RECK: variants seen among roughly 807,000 people sequenced by gnomAD.
RECK encodes the protein reversion-inducing cysteine-rich protein with Kazal motifs.
A neutral mutation model predicts 115.1 loss-of-function variants in RECK; 69 were observed. The observed-to-expected ratio is 0.60, with a 90% CI of 0.49 to 0.73. The LOEUF (loss-of-function observed/expected upper bound fraction) is 0.73, where lower values mean the gene tolerates loss of function less well. Among genes scored for constraint, RECK ranks in the 30% least tolerant of loss-of-function variants. RECK has a pLI of 0.00. For synonymous variants in RECK, 414 were observed against 419.7 expected, an observed-to-expected ratio of 0.99 and a Z score of 0.17; for missense variants, 1,047 against 1,203.7, an observed-to-expected ratio of 0.87 and a Z score of 1.93.
At chr9:36,043,769 G>A (rs1375121673) in intron 1 of RECK, among the ~76,000 whole-genome samples, 1 of 152,090 alleles carries the variant, frequency 6.6e-6, no homozygotes, top group Non-Finnish European at 1.5e-5. Context: ...CATTTGTTGA[G>A]TAGGATGCCC....
intron 1 of RECK, 87 bp from the exon 2 acceptor site, chr9:36,052,178 A>C: frequency 1.3e-6 from 1 of 789,452 alleles, no homozygotes; most frequent in South Asian, 1.4e-5. Flanking sequence ...TCATCTACTG[A>C]ATAAATGGTT....
At chr9:36,048,212 A>G (rs1821150440) in intron 1 of RECK, among the ~76,000 whole-genome samples, 2 of 148,622 alleles carry the variant, frequency 1.3e-5, no homozygotes, top group Non-Finnish European at 3.0e-5. Context: ...CCTGAAATGT[A>G]GTATTTTTCC....
intron 13 of RECK, among the ~76,000 whole-genome samples, chr9:36,107,030 T>C (rs1278547842): frequency 7.2e-6 from 1 of 139,274 alleles, no homozygotes; most frequent in Admixed American, 8.1e-5. Flanking sequence ...GGCGTGAACC[T>C]GGGAGGTGGA....
At chr9:36,120,271 T>C (rs1220055075) in intron 18 of RECK, among the ~76,000 whole-genome samples, 1 of 151,838 alleles carries the variant, frequency 6.6e-6, no homozygotes, top group Non-Finnish European at 1.5e-5. Context: ...CAAACACTCA[T>C]GGAACCCCTG....
intron 10 of RECK, among the ~76,000 whole-genome samples, chr9:36,099,655 G>T (rs1370516305): frequency 3.3e-5 from 5 of 150,264 alleles, no homozygotes; most frequent in Admixed American, 6.7e-5. Context: ...GTTTGTTTTT[G>T]TTTTTTTTTA....
At chr9:36,059,560 G>A (rs1345238402) in intron 3 of RECK, among the ~76,000 whole-genome samples, 1 of 151,922 alleles carries the variant, frequency 6.6e-6, no homozygotes, top group African/African-American at 2.4e-5. Flanking sequence ...TTTGATTTTG[G>A]AAAATTGAAT....
rs555478073 is a variant in RECK, at chr9:36,044,105, G to A, written c.100+7007G>A. ...TTGATTCTACCCATCCGTGAGCATGGGATATGTTTCCATTTGTTTCTGTTG... is the reference window on the plus strand; with the variant it reads ...TTGATTCTACCCATCCGTGAGCATGAGATATGTTTCCATTTGTTTCTGTTG... On this transcript the variant is annotated intron_variant, in intron 1 of 20. Coordinates refer to ENST00000377966, the MANE Select transcript of RECK (RefSeq NM_021111.3). 3.9e-5 allele frequency among the ~76,000 whole-genome samples: 6 copies of A among 152,206 alleles called. No individual in the cohort carries two copies. In the South Asian group the frequency reaches 1.2e-3, roughly 32 times the overall value.
intron 14 of RECK, 82 bp downstream of exon 14, chr9:36,108,246 C>T: frequency 7.6e-6 from 8 of 1,051,418 alleles, no homozygotes; most frequent in Non-Finnish European, 1.1e-5. Flanking sequence ...TAGATTCTGA[C>T]CACAGAGTAA....
chr9:36,122,084 A>G (rs1824482072), intron 20 of RECK, among the ~76,000 whole-genome samples: 1 of 152,192 alleles, frequency 6.6e-6, no homozygotes. Context: ...AAAAGACTCC[A>G]GTCTCCTGAG....
chr9:36,037,332 C>T (rs1820706120), intron 1 of RECK, among the ~76,000 whole-genome samples: 1 of 151,844 alleles, frequency 6.6e-6, no homozygotes, highest in Non-Finnish European at 1.5e-5. Flanking sequence ...AGGCCTTGGT[C>T]TGTCACCCAC....
At chr9:36,063,667 C>T in intron 4 of RECK, 128 bp from the exon 5 acceptor site, 1 of 718,812 alleles carries the variant, frequency 1.4e-6, no homozygotes, top group Non-Finnish European at 2.4e-6. Context: ...ATTTTGAGGC[C>T]CTGCTGTCTG....
At position 36,123,731 on chromosome 9, in the gene RECK, A is replaced by G. The variant is rs1824543702; in HGVS notation, c.*686A>G. On this transcript the variant is annotated 3_prime_UTR_variant, in exon 21 of 21. Transcript: ENST00000377966. The stretch of plus-strand genomic sequence containing the variant: ...GGATTTGTGTCTGTGACTTTTGTGA[A>G]AGGGAGAAGTGACATTGCATCAAAG... 6.6e-6 allele frequency: 1 copy of G among 152,246 alleles called. No individual in the cohort carries two copies. Among genetic ancestry groups the G allele is most frequent in the Non-Finnish European group, 1.5e-5 (1 of 68,048 alleles). 9.4% of individuals were successfully genotyped at this position (152,246 alleles called of 1,614,324 possible). A position where few individuals can be genotyped will look rare whatever the true frequency, so the allele number is the denominator to read the frequency against.
At chr9:36,080,315 A>G (rs1822636092) in intron 6 of RECK, among the ~76,000 whole-genome samples, 1 of 152,184 alleles carries the variant, frequency 6.6e-6, no homozygotes, top group East Asian at 1.9e-4. Context: ...AATAATTAAG[A>G]TTAATACATT....
chr9:36,052,022 C>T (rs1047799747), intron 1 of RECK, among the ~76,000 whole-genome samples: 3 of 152,148 alleles, frequency 2.0e-5, no homozygotes, highest in Non-Finnish European at 4.4e-5. Context: ...TAAATAGTAG[C>T]TATTATTATT....
In RECK at chr9:36,073,803, A is replaced by G. The variant is rs554074539; in HGVS notation, c.406-6802A>G. Among the ~76,000 whole-genome samples the G allele has an allele frequency of 5.9e-5, 9 of 152,232 alleles. 1 individual carries two copies. The South Asian group carries it at 1.7e-3, about 28-fold the overall frequency. ...CCCTGTTGTTTTATTTGTTAGTTGT[A>G]GTTGTACAAATTGTTTGTTCCACCT... On this transcript the variant is annotated intron_variant, in intron 6 of 20. Coordinates refer to ENST00000377966, the MANE Select transcript of RECK (RefSeq NM_021111.3).
intron 1 of RECK, among the ~76,000 whole-genome samples, chr9:36,037,447 AT>A (rs916127530): frequency 6.6e-6 from 1 of 151,456 alleles, no homozygotes; most frequent in Non-Finnish European, 1.5e-5. Flanking sequence ...TTTAGATGGG[AT>A]TTCGGATACG....
At chr9:36,084,599 G>T (rs1303818733) in intron 8 of RECK, among the ~76,000 whole-genome samples, 1 of 152,146 alleles carries the variant, frequency 6.6e-6, no homozygotes, top group Non-Finnish European at 1.5e-5. Context: ...GGAGGCTGAG[G>T]CAGGAGAATT....
intron 12 of RECK, among the ~76,000 whole-genome samples, chr9:36,102,778 A>AC (rs2132653332): frequency 6.6e-6 from 1 of 151,908 alleles, no homozygotes; most frequent in East Asian, 1.9e-4. Flanking sequence ...ACATGGTGAG[A>AC]CCCCGTCTCT....
In RECK at chr9:36,049,768, T is replaced by C. The variant is rs568911204; in HGVS notation, c.101-2497T>C. ...GTTCTACAACTGCTCAAAAGTAGACTTCCTCAAAAGAATTGTCTGTATTTT... is the reference window on the plus strand; with the variant it reads ...GTTCTACAACTGCTCAAAAGTAGACCTCCTCAAAAGAATTGTCTGTATTTT... On this transcript the variant is annotated intron_variant, in intron 1 of 20. Coordinates refer to ENST00000377966, the MANE Select transcript of RECK (RefSeq NM_021111.3). Among the ~76,000 whole-genome samples the C allele has an allele frequency of 6.6e-5, 10 of 152,362 alleles. No homozygotes were observed. In the South Asian group the frequency reaches 1.4e-3, roughly 22 times the overall value.
Sources: allele counts gnomAD v4.1 joint callset (sites outside exome capture counted in the v4.1 genomes callset), GRCh38; gene constraint gnomAD v4.1.1; transcripts MANE v1.5; gene names NCBI Gene and HGNC (gene_info 2026-07-23, HGNC 2026-07-21).